The following MTCL1 variants were observed in gnomAD, a reference collection of about 807,000 sequenced individuals.
MTCL1 encodes the protein microtubule crosslinking factor 1, also known as microtubule cross-linking factor 1.
Under a neutral mutation model 141.4 loss-of-function variants are expected in MTCL1, and 79 were observed. That is an observed-to-expected ratio of 0.56 (90% CI 0.47 to 0.67). The LOEUF (loss-of-function observed/expected upper bound fraction) is 0.67. MTCL1 is among the 30% of genes least tolerant of loss of function. MTCL1 has a pLI of 0.00. For missense variants in MTCL1, 2,177 were observed against 2,113.9 expected, an observed-to-expected ratio of 1.03 and a Z score of -0.59; for synonymous variants, 914 against 875.8, an observed-to-expected ratio of 1.04 and a Z score of -0.77.
At chr18:8,726,393 G>C (rs1486241402) in intron 4 of MTCL1, among the ~76,000 whole-genome samples, 3 of 149,732 alleles carry the variant, frequency 2.0e-5, no homozygotes, top group Non-Finnish European at 4.4e-5. Context: ...TTCCTGGCGA[G>C]AGCCCTCTTC....
intron 5 of MTCL1, among the ~76,000 whole-genome samples, chr18:8,778,509 GTAA>G (rs1353201764): frequency 4.6e-5 from 7 of 152,196 alleles, no homozygotes; most frequent in Non-Finnish European, 1.0e-4. Flanking sequence ...AGAGCAAGTA[GTAA>G]TTAGAGAGAC....
At chr18:8,729,356 AT>A (rs944681283) in intron 4 of MTCL1, among the ~76,000 whole-genome samples, 8 of 151,312 alleles carry the variant, frequency 5.3e-5, no homozygotes, top group African/African-American at 7.3e-5. Context: ...CCTGTTATAT[AT>A]TTTTTTTCAT....
intron 4 of MTCL1, among the ~76,000 whole-genome samples, chr18:8,726,528 C>T (rs867360256): frequency 1.6e-4 from 19 of 115,692 alleles, no homozygotes; most frequent in Admixed American, 5.3e-4. Context: ...CGAGAGAGAG[C>T]GAGTGCGCAT....
At chr18:8,770,610 G>A (rs11662290) in intron 4 of MTCL1, among the ~76,000 whole-genome samples, 7,743 of 152,142 alleles carry the variant, frequency 0.051, 277 homozygotes, top group East Asian at 0.098. Flanking sequence ...ATACCAGCAC[G>A]TTGAGAATTA....
At chr18:8,760,831 C>A (rs1335308489) in intron 4 of MTCL1, among the ~76,000 whole-genome samples, 1 of 152,142 alleles carries the variant, frequency 6.6e-6, no homozygotes, top group Non-Finnish European at 1.5e-5. Context: ...ATTTCTCCCT[C>A]TAGTATTTTC....
At chr18:8,798,418 G>T (rs201430249) in intron 10 of MTCL1, 127 bp downstream of exon 9, 3 of 750,806 alleles carry the variant, frequency 4.0e-6, no homozygotes, top group Admixed American at 8.4e-5. Context: ...GCCTGACTGC[G>T]GTCACCTGTT....
At chr18:8,807,103 C>T (rs886923554) in intron 11 of MTCL1, 43 bp downstream of exon 10, 1 of 1,581,782 alleles carries the variant, frequency 6.3e-7, no homozygotes, top group Non-Finnish European at 8.6e-7. Context: ...CTGTGTGTCT[C>T]TGCTGTCCAG....
At chr18:8,712,677 C>T (rs1165972029), upstream of MTCL1, among the ~76,000 whole-genome samples, 1 of 152,214 alleles carries the variant, frequency 6.6e-6, no homozygotes, top group African/African-American at 2.4e-5. Context: ...GCTGCGGCCA[C>T]CAGCTGCTGG....
chr18:8,736,563 C>T (rs190195029), intron 4 of MTCL1, among the ~76,000 whole-genome samples: 7 of 151,600 alleles, frequency 4.6e-5, no homozygotes, highest in South Asian at 4.2e-4. Context: ...TATTTGAAGT[C>T]GGGTTTCTAC....
Position 8,830,849 on chromosome 18 carries a change from A to G in MTCL1, c.*19-758A>G, listed in dbSNP as rs748905941. The G allele has an allele frequency of 3.2e-5, 32 of 985,464 alleles. No individual in the cohort carries two copies. Among genetic ancestry groups the G allele is most frequent in the Non-Finnish European group, 3.9e-5 (32 of 829,938 alleles). The allele number at this position is 985,464 out of a possible 1,614,324, so 61.0% of individuals were successfully genotyped here. A position where few individuals can be genotyped will look rare whatever the true frequency, so the allele number is the denominator to read the frequency against. ...GCTCAACATTCTTTAAAAACAAAGTAGCTTGAGAATAAGGATTCTAGGTGA... is the reference window on the plus strand; with the variant it reads ...GCTCAACATTCTTTAAAAACAAAGTGGCTTGAGAATAAGGATTCTAGGTGA... On this transcript the variant is annotated intron_variant, in intron 16 of 16. Transcript: ENST00000359865. This position sits in a 1 kb window ranked among gnomAD's most constrained non-coding sequence, Gnocchi z 6.4.
At chr18:8,795,308 A>G (rs1477032652) in intron 8 of MTCL1, among the ~76,000 whole-genome samples, 1 of 152,162 alleles carries the variant, frequency 6.6e-6, no homozygotes, top group African/African-American at 2.4e-5. Context: ...TTGGCATAAG[A>G]GAGAGTGTTA....
chr18:8,718,298 C>A, intron 2 of MTCL1, 126 bp from the exon 2 acceptor site: 1 of 904,568 alleles, frequency 1.1e-6, no homozygotes, highest in Non-Finnish European at 1.7e-6. Flanking sequence ...CCAGGCGTGG[C>A]CATGAGGTGA....
intron 7 of MTCL1, among the ~76,000 whole-genome samples, chr18:8,792,143 T>TAA (rs1247496220): frequency 2.0e-5 from 3 of 152,226 alleles, no homozygotes; most frequent in Non-Finnish European, 2.9e-5. Context: ...CAATCTACTC[T>TAA]AATTCCCAGT....
intron 4 of MTCL1, among the ~76,000 whole-genome samples, chr18:8,730,990 T>A (rs912714283): frequency 3.3e-5 from 5 of 152,122 alleles, no homozygotes; most frequent in Non-Finnish European, 7.4e-5. Context: ...CACGTCTGTT[T>A]TCCCAGCACT....
At chr18:8,796,327 TGAG>T (rs1568054658) in exon 9 of MTCL1, 1 of 1,614,118 alleles carries the variant, frequency 6.2e-7, no homozygotes, top group Non-Finnish European at 8.5e-7. Flanking sequence ...CCTGGAGTGA[TGAG>T]AAGAATCTGA....
chr18:8,826,912 C>T (rs2077045077), intron 15 of MTCL1, among the ~76,000 whole-genome samples: 1 of 152,204 alleles, frequency 6.6e-6, no homozygotes, highest in Non-Finnish European at 1.5e-5. Flanking sequence ...TGATGCACAT[C>T]CACATGTGGT....
chr18:8,709,273 A>G (rs765760379), intron 1 of MTCL1, among the ~76,000 whole-genome samples: 5 of 151,908 alleles, frequency 3.3e-5, no homozygotes, highest in Admixed American at 2.0e-4. Context: ...GCTCACTACA[A>G]CCTTGAACCC....
chr18:8,706,783 A>G lies in MTCL1; in HGVS notation c.1053+70A>G, dbSNP rs1297035592. Reference sequence around the variant, plus strand: ...GGCCTGGCTGCGGCGGGGACCCGCCAACCCCTCCTTCCCGGGCCTGTCCAG... The same window carrying G: ...GGCCTGGCTGCGGCGGGGACCCGCCGACCCCTCCTTCCCGGGCCTGTCCAG... On this transcript the variant is annotated intron_variant, in intron 1 of 13. Transcript: ENST00000306329. The G allele has an allele frequency of 2.9e-5, 44 of 1,526,310 alleles. No individual in the cohort carries two copies. The Admixed American group carries it at 8.7e-4, about 30-fold the overall frequency. 94.5% of individuals were successfully genotyped at this position (1,526,310 alleles called of 1,614,324 possible).
In MTCL1 at chr18:8,752,886, G is replaced by T. The variant is rs114190580; in HGVS notation, c.358-24947G>T. Reference sequence around the variant, plus strand: ...CACAGTGAGCCATAATGAGGCCTGAGTACAGTGCCACAAAGAGCTGGACAT... The same window carrying T: ...CACAGTGAGCCATAATGAGGCCTGATTACAGTGCCACAAAGAGCTGGACAT... On this transcript the variant is annotated intron_variant, in intron 4 of 16. Coordinates refer to ENST00000359865, the Ensembl canonical transcript of MTCL1. 2.0e-3 allele frequency among the ~76,000 whole-genome samples: 304 copies of T among 152,298 alleles called. 3 individuals are homozygous for T. The highest frequency in any genetic ancestry group is 3.4e-3 in the Middle Eastern group (1 of 294).
Sources: gnomAD v4.1 joint callset for allele counts (sites outside exome capture counted in the v4.1 genomes callset) on GRCh38, gnomAD v4.1.1 for gene constraint, Gnocchi (gnomAD v3.1) non-coding constraint, MANE v1.5 for transcripts, NCBI Gene and HGNC (gene_info 2026-07-23, HGNC 2026-07-21) for gene names.